NOL4: variants seen among roughly 807,000 people sequenced by gnomAD.
NOL4 encodes the protein cancer/testis antigen 125.
NOL4 carries 17 observed loss-of-function variants against 75.9 expected under a neutral mutation model. The observed-to-expected ratio is 0.22, with a 90% CI of 0.15 to 0.34. The LOEUF (loss-of-function observed/expected upper bound fraction) is 0.34, where lower values mean the gene tolerates loss of function less well. Ranked by LOEUF, NOL4 falls within the 10% of genes least tolerant of loss-of-function variation. The pLI is 1.00. For synonymous variants in NOL4, 292 were observed against 289.9 expected (o/e 1.01, Z -0.07); for missense variants, 614 against 793.5 (o/e 0.77, Z 2.72).
chr18:34,158,013 TA>T (rs1361979422), intron 1 of NOL4, among the ~76,000 whole-genome samples: 1 of 151,932 alleles, frequency 6.6e-6, no homozygotes. Context: ...CTATCAGCTT[TA>T]AAAAAAAGAA....
At chr18:34,127,917 A>G (rs552500626) in intron 2 of NOL4, among the ~76,000 whole-genome samples, 1 of 151,990 alleles carries the variant, frequency 6.6e-6, no homozygotes, top group South Asian at 2.1e-4. Context: ...GAAAAGAGAG[A>G]ATATTCAAAT....
chr18:33,863,198 A>G (rs1464260419), intron 10 of NOL4, among the ~76,000 whole-genome samples: 1 of 151,862 alleles, frequency 6.6e-6, no homozygotes, highest in Non-Finnish European at 1.5e-5. Context: ...ACATATTCTC[A>G]CTTATAGGTG....
At chr18:33,996,594 A>T (rs2073302761) in intron 6 of NOL4, among the ~76,000 whole-genome samples, 1 of 151,790 alleles carries the variant, frequency 6.6e-6, no homozygotes, top group African/African-American at 2.4e-5. Context: ...ATTTCCCAGG[A>T]TCTGTTGCTC....
intron 1 of NOL4, among the ~76,000 whole-genome samples, chr18:34,141,336 T>C (rs1414572717): frequency 6.6e-6 from 1 of 152,084 alleles, no homozygotes; most frequent in African/African-American, 2.4e-5. Flanking sequence ...AAAACTACTT[T>C]AAAGTTCATA....
intron 5 of NOL4, among the ~76,000 whole-genome samples, chr18:34,044,986 A>C (rs536135407): frequency 6.6e-6 from 1 of 152,286 alleles, no homozygotes; most frequent in South Asian, 2.1e-4. Context: ...GAGTGTTTTT[A>C]TGAAATCTTG....
At chr18:34,054,968 TTATA>T (rs1361664429) in intron 5 of NOL4, among the ~76,000 whole-genome samples, 2 of 149,110 alleles carry the variant, frequency 1.3e-5, no homozygotes, top group East Asian at 1.9e-4. Flanking sequence ...TATTTCCATA[TTATA>T]TATATTTTAT....
At chr18:34,011,332 A>C (rs2074361877) in intron 6 of NOL4, among the ~76,000 whole-genome samples, 1 of 151,822 alleles carries the variant, frequency 6.6e-6, no homozygotes, top group South Asian at 2.1e-4. Flanking sequence ...AATAATGAAA[A>C]TGTAAACTAG....
intron 9 of NOL4, among the ~76,000 whole-genome samples, chr18:33,885,343 CCTT>C (rs2064572967): frequency 3.9e-5 from 6 of 151,970 alleles, no homozygotes; most frequent in Admixed American, 3.9e-4. Context: ...CAAGTGAAAA[CCTT>C]CTGCACAGCA....
intron 6 of NOL4, among the ~76,000 whole-genome samples, chr18:33,977,996 T>C (rs960723587): frequency 6.6e-6 from 1 of 152,102 alleles, no homozygotes; most frequent in African/African-American, 2.4e-5. Context: ...TGCTATGGGC[T>C]GGTGCTGGAA....
intron 1 of NOL4, chr18:34,221,568 C>T (rs1239886128): frequency 1.3e-5 from 2 of 150,344 alleles, no homozygotes; most frequent in Non-Finnish European, 2.9e-5. Context: ...CTTTATAGGT[C>T]CAACTCTTAG....
At chr18:33,937,922 T>G (rs372082049) in intron 9 of NOL4, among the ~76,000 whole-genome samples, 1 of 152,086 alleles carries the variant, frequency 6.6e-6, no homozygotes, top group East Asian at 1.9e-4. Flanking sequence ...TTGCTAGTTA[T>G]AGTAAAGTAC....
intron 1 of NOL4, among the ~76,000 whole-genome samples, chr18:34,191,415 T>G (rs949230683): frequency 1.3e-5 from 2 of 152,166 alleles, no homozygotes; most frequent in African/African-American, 4.8e-5. Flanking sequence ...TTTAAAATTC[T>G]TACACATTTA....
chr18:33,958,822 T>G (rs1158715342), intron 6 of NOL4, among the ~76,000 whole-genome samples: 1 of 152,088 alleles, frequency 6.6e-6, no homozygotes. Flanking sequence ...TCAATATTAG[T>G]ACTAGTATTA....
chr18:33,932,299 A>G (rs1377052452), intron 9 of NOL4, among the ~76,000 whole-genome samples: 2 of 152,142 alleles, frequency 1.3e-5, no homozygotes, highest in African/African-American at 4.8e-5. Context: ...TTTCAAGGTA[A>G]TTCTTGTAAA....
intron 1 of NOL4, among the ~76,000 whole-genome samples, chr18:34,142,640 T>A (rs964566006): frequency 1.3e-5 from 2 of 151,930 alleles, no homozygotes; most frequent in Non-Finnish European, 1.5e-5. Flanking sequence ...ATGAGAACAC[T>A]TGGACACAGG....
At chr18:33,980,535 AG>A (rs1488314105) in intron 6 of NOL4, among the ~76,000 whole-genome samples, 1 of 151,968 alleles carries the variant, frequency 6.6e-6, no homozygotes, top group Admixed American at 6.6e-5. Context: ...AGTCCAGTTG[AG>A]TTGGAGGAAG....
chr18:34,152,310 T>C (rs1359282071), intron 1 of NOL4, among the ~76,000 whole-genome samples: 2 of 151,910 alleles, frequency 1.3e-5, no homozygotes, highest in South Asian at 2.1e-4. Context: ...CATGTAAAAA[T>C]AGGACTCTTA....
intron 9 of NOL4, among the ~76,000 whole-genome samples, chr18:33,934,994 A>G (rs2067964713): frequency 6.6e-6 from 1 of 151,760 alleles, no homozygotes; most frequent in Admixed American, 6.6e-5. Context: ...AAGTAGCTAG[A>G]ACTACAGATG....
intron 4 of NOL4, among the ~76,000 whole-genome samples, chr18:34,094,044 A>C (rs753501577): frequency 9.2e-5 from 14 of 152,174 alleles, no homozygotes; most frequent in African/African-American, 2.4e-4. Context: ...TCGTCTCAAA[A>C]AAACAAACAA....
Sources: allele counts gnomAD v4.1 joint callset (sites outside exome capture counted in the v4.1 genomes callset), GRCh38; gene constraint gnomAD v4.1.1; transcripts MANE v1.5; gene names NCBI Gene and HGNC (gene_info 2026-07-23, HGNC 2026-07-21).